The following MGAT5 variants were observed in gnomAD, a reference collection of about 807,000 sequenced individuals.
MGAT5 encodes the protein alpha-1,6-mannosylglycoprotein 6-beta-N-acetylglucosaminyltransferase, also known as alpha-1,6-mannosylglycoprotein 6-beta-N-acetylglucosaminyltransferase A.
In MGAT5, 30 loss-of-function variants were observed where a neutral mutation model predicts 94.3. The ratio of observed to expected loss-of-function variants is 0.32; its 90% CI spans 0.24 to 0.43. The LOEUF (loss-of-function observed/expected upper bound fraction) is 0.43. MGAT5 is among the 20% of genes least tolerant of loss of function. The probability of loss-of-function intolerance (pLI) is 1.00; values close to 1 mark genes in which losing one functional copy is unlikely to be tolerated. For missense variants in MGAT5, 691 were observed against 905.5 expected, an observed-to-expected ratio of 0.76 and a Z score of 3.04; for synonymous variants, 310 against 322.9, an observed-to-expected ratio of 0.96 and a Z score of 0.43.
chr2:134,155,305 T>C (rs1687425145), intron 1 of MGAT5, among the ~76,000 whole-genome samples: 2 of 152,190 alleles, frequency 1.3e-5, no homozygotes, highest in Non-Finnish European at 2.9e-5. Context: ...GGCATCCACA[T>C]TGAGCTTCTG....
At position 134,441,775 on chromosome 2, in the gene MGAT5, A is replaced by G; in HGVS notation, c.1887A>G (p.Gln629=). 6.2e-7 allele frequency: 1 copy of G among 1,612,850 alleles called. No individual in the cohort carries two copies. The highest frequency in any genetic ancestry group is 1.3e-5 in the African/African-American group (1 of 75,024). ...FIEKQDFCHG[Q]VMWPPLSALQ... ...CGTTCTAGGACTTCTGCCATGGGCA[A>G]GTGATGTGGCCACCCCTCAGCGCCC... Residue 629 remains glutamine (Q), a synonymous_variant, in exon 15 of 16, where the codon CAA becomes CAG. Transcript: ENST00000281923.
intron 6 of MGAT5, among the ~76,000 whole-genome samples, chr2:134,338,822 T>G (rs2105991953): frequency 6.6e-6 from 1 of 152,258 alleles, no homozygotes; most frequent in African/African-American, 2.4e-5. Flanking sequence ...TCATTGTTAC[T>G]CTGTCTGGTT....
At chr2:134,171,662 CTCTT>C (rs1688217025) in intron 1 of MGAT5, among the ~76,000 whole-genome samples, 1 of 152,180 alleles carries the variant, frequency 6.6e-6, no homozygotes, top group Non-Finnish European at 1.5e-5. Flanking sequence ...TTCATACAAT[CTCTT>C]TGTCAGCCTG....
At chr2:134,420,067 G>C (rs1021216412) in intron 12 of MGAT5, among the ~76,000 whole-genome samples, 4 of 152,144 alleles carry the variant, frequency 2.6e-5, no homozygotes, top group African/African-American at 9.7e-5. Context: ...AGAACTTAAA[G>C]ACATCCTTTA....
chr2:134,393,649 A>G (rs532996769), intron 10 of MGAT5, among the ~76,000 whole-genome samples: 3 of 152,160 alleles, frequency 2.0e-5, no homozygotes, highest in East Asian at 3.9e-4. Flanking sequence ...TTTATTATCT[A>G]TTGGGGCTTC....
intron 1 of MGAT5, among the ~76,000 whole-genome samples, chr2:134,176,489 C>T (rs1252141567): frequency 6.7e-6 from 1 of 148,470 alleles, no homozygotes; most frequent in Admixed American, 6.8e-5. Flanking sequence ...AGGAGAATCG[C>T]TTGAACCCAG....
intron 1 of MGAT5, among the ~76,000 whole-genome samples, chr2:134,153,221 G>A (rs1573754635): frequency 6.6e-6 from 1 of 152,244 alleles, no homozygotes; most frequent in Non-Finnish European, 1.5e-5. Context: ...CGCCGGGCCA[G>A]AGTCCACATT....
chr2:134,138,822 G>T (rs1207768902), intron 1 of MGAT5, among the ~76,000 whole-genome samples: 1 of 152,182 alleles, frequency 6.6e-6, no homozygotes, highest in Non-Finnish European at 1.5e-5. Flanking sequence ...ATCCAAATCA[G>T]GATGCTTTTG....
chr2:134,393,055 C>T (rs966978852), intron 10 of MGAT5, among the ~76,000 whole-genome samples: 4 of 152,234 alleles, frequency 2.6e-5, no homozygotes, highest in African/African-American at 9.6e-5. Flanking sequence ...TGTGCCTTCA[C>T]ATAATAATTT....
intron 4 of MGAT5, among the ~76,000 whole-genome samples, chr2:134,332,285 A>G (rs1273323247): frequency 1.3e-5 from 2 of 152,034 alleles, no homozygotes; most frequent in Non-Finnish European, 2.9e-5. Context: ...ATAATGCCAC[A>G]TATCTACAAC....
chr2:134,269,177 G>T (rs188628963), intron 1 of MGAT5, among the ~76,000 whole-genome samples: 12 of 152,318 alleles, frequency 7.9e-5, no homozygotes, highest in African/African-American at 2.9e-4. Context: ...TCAAGATTCT[G>T]CAGCTGTACA....
chr2:134,318,992 G>T (rs1307601074), intron 4 of MGAT5, among the ~76,000 whole-genome samples: 1 of 152,204 alleles, frequency 6.6e-6, no homozygotes, highest in Middle Eastern at 3.4e-3. Flanking sequence ...ATAGACGTGA[G>T]ATTTGCCATC....
At chr2:134,136,282 G>A (rs546313250) in intron 1 of MGAT5, among the ~76,000 whole-genome samples, 1 of 152,098 alleles carries the variant, frequency 6.6e-6, no homozygotes, top group African/African-American at 2.4e-5. Flanking sequence ...AAAAAAATTG[G>A]GGGGCCAGAC....
intron 13 of MGAT5, among the ~76,000 whole-genome samples, chr2:134,426,214 C>CTTCCTTCCTTCCTTCATTCCTTCCTTCA (rs369281499): frequency 4.4e-4 from 67 of 151,930 alleles, no homozygotes; most frequent in Middle Eastern, 6.8e-3. Flanking sequence ...GACTTCCTTC[C>CTTCCTTCCTTCCTTCATTCCTTCCTTCA]TTCCTTCCTT....
intron 13 of MGAT5, among the ~76,000 whole-genome samples, chr2:134,425,113 A>G (rs932227060): frequency 6.6e-6 from 1 of 152,236 alleles, no homozygotes; most frequent in Non-Finnish European, 1.5e-5. Flanking sequence ...CAGAAAAGAA[A>G]AACACACCAA....
chr2:134,131,080 C>T (rs986967195), intron 1 of MGAT5, among the ~76,000 whole-genome samples: 3 of 152,202 alleles, frequency 2.0e-5, no homozygotes, highest in African/African-American at 7.2e-5. Context: ...CTGCTGGTCA[C>T]TCTTTGGGTC....
chr2:134,332,816 C>CA (rs1182862961), intron 4 of MGAT5, among the ~76,000 whole-genome samples: 1 of 152,010 alleles, frequency 6.6e-6, no homozygotes, highest in African/African-American at 2.4e-5. Flanking sequence ...TTTATGCAGC[C>CA]AAAAAACACA....
In MGAT5 at chr2:134,329,101, G is replaced by A. The variant is rs73958377; in HGVS notation, c.574-7116G>A. On this transcript the variant is annotated intron_variant, in intron 4 of 15. Transcript: ENST00000281923. ...AAAACAAAAACTGTTGTTTGTCTAC[G>A]GTTAAAATGTAATTGAGTGCCCTGT... Among the ~76,000 whole-genome samples the A allele has an allele frequency of 9.2e-3, 1,400 of 151,998 alleles. 16 individuals are homozygous for A. Among genetic ancestry groups the A allele is most frequent in the African/African-American group, 0.032 (1,328 of 41,388 alleles).
chr2:134,185,412 T>G (rs1048434500), intron 1 of MGAT5, among the ~76,000 whole-genome samples: 1 of 152,204 alleles, frequency 6.6e-6, no homozygotes, highest in Non-Finnish European at 1.5e-5. Context: ...TTGAGCTGAT[T>G]ACTTTGCTGA....
Sources: allele counts gnomAD v4.1 joint callset (sites outside exome capture counted in the v4.1 genomes callset), GRCh38; gene constraint gnomAD v4.1.1; transcripts MANE v1.5; gene names NCBI Gene and HGNC (gene_info 2026-07-23, HGNC 2026-07-21).